Variants in USH2A observed in about 807,000 individuals in gnomAD.
The protein encoded by USH2A is Usher syndrome 2A (autosomal recessive, mild).
USH2A carries 443 observed loss-of-function variants against 538.9 expected under a neutral mutation model. The ratio of observed to expected loss-of-function variants is 0.82; its 90% CI spans 0.76 to 0.89. The LOEUF (loss-of-function observed/expected upper bound fraction) is 0.89. Ranked by LOEUF, USH2A falls within the 40% of genes least tolerant of loss-of-function variation. The pLI is 0.00. For missense variants in USH2A, 6,633 were observed against 6,324.8 expected (o/e 1.05, Z -1.65); for synonymous variants, 2,413 against 2,273.5 (o/e 1.06, Z -1.75).
intron 20 of USH2A, among the ~76,000 whole-genome samples, chr1:216,186,552 T>C (rs1426022907): frequency 6.6e-6 from 1 of 151,954 alleles, no homozygotes; most frequent in East Asian, 1.9e-4. Context: ...CTAAGGTGTT[T>C]TCTTTGGGCT....
intron 67 of USH2A, 54 bp downstream of exon 67, chr1:215,647,468 C>T: frequency 6.2e-7 from 1 of 1,609,006 alleles, no homozygotes; most frequent in South Asian, 1.1e-5. Context: ...GGGCAAGCTT[C>T]TCCTGACCAC....
At chr1:215,790,420 C>A in intron 50 of USH2A, 138 bp from the exon 51 acceptor site, 2 of 878,260 alleles carry the variant, frequency 2.3e-6, no homozygotes, top group African/African-American at 1.7e-5. Context: ...CATTTCCCTA[C>A]CAAGGTGATT....
At chr1:216,087,360 C>T (rs2032166596) in intron 23 of USH2A, among the ~76,000 whole-genome samples, 1 of 152,118 alleles carries the variant, frequency 6.6e-6, no homozygotes, top group African/African-American at 2.4e-5. Flanking sequence ...TGATATCTCC[C>T]CTTGGGTGTC....
intron 21 of USH2A, among the ~76,000 whole-genome samples, chr1:216,154,803 C>G (rs1176457821): frequency 6.6e-6 from 1 of 152,048 alleles, no homozygotes; most frequent in Non-Finnish European, 1.5e-5. Context: ...ATACATATAC[C>G]ACATTTTATT....
chr1:215,795,583 C>T (rs1206527630), intron 50 of USH2A, among the ~76,000 whole-genome samples: 1 of 152,182 alleles, frequency 6.6e-6, no homozygotes, highest in Non-Finnish European at 1.5e-5. Context: ...TGAACAAACA[C>T]ACTAAAATCA....
In USH2A at chr1:216,250,698, G is replaced by T. The variant is rs567591369; in HGVS notation, c.2167+205C>A. The stretch of plus-strand genomic sequence containing the variant: ...CTACAGAATAAAGAAACTTCTAAAG[G>T]GTTGATTAAACTAAGCTTCAAGCTG... On this transcript the variant is annotated intron_variant, in intron 12 of 71. Coordinates refer to ENST00000307340, the MANE Select transcript of USH2A (RefSeq NM_206933.4). 6.6e-5 allele frequency among the ~76,000 whole-genome samples: 10 copies of T among 152,148 alleles called. No homozygotes were observed. The South Asian group carries it at 2.1e-3, about 32-fold the overall frequency.
At chr1:216,028,416 A>G (rs1669019596) in intron 32 of USH2A, among the ~76,000 whole-genome samples, 1 of 152,014 alleles carries the variant, frequency 6.6e-6, no homozygotes, top group South Asian at 2.1e-4. Flanking sequence ...AAATAAATAA[A>G]TAAATAAAAA....
At chr1:216,062,813 G>A (rs2031228521) in intron 30 of USH2A, among the ~76,000 whole-genome samples, 1 of 152,118 alleles carries the variant, frequency 6.6e-6, no homozygotes, top group South Asian at 2.1e-4. Context: ...TTTCTCACCA[G>A]AAGTAATGAT....
intron 11 of USH2A, among the ~76,000 whole-genome samples, chr1:216,271,392 G>A (rs1315776885): frequency 6.6e-6 from 1 of 152,070 alleles, no homozygotes; most frequent in Non-Finnish European, 1.5e-5. Flanking sequence ...AGTGTGAGGA[G>A]GGGATTGTAT....
intron 22 of USH2A, among the ~76,000 whole-genome samples, chr1:216,096,036 A>AG (rs202094786): frequency 0.043 from 6,618 of 152,254 alleles, 478 homozygotes; most frequent in African/African-American, 0.15. Flanking sequence ...CATTTCTCTT[A>AG]CTCATCTCAC....
chr1:215,934,892 C>T, intron 37 of USH2A, 97 bp from the exon 38 acceptor site: 1 of 1,161,030 alleles, frequency 8.6e-7, no homozygotes, highest in Non-Finnish European at 1.2e-6. Flanking sequence ...TATACTGTAC[C>T]AAATAGGTCT....
At chr1:215,868,645 T>C (rs773387341) in intron 43 of USH2A, among the ~76,000 whole-genome samples, 8 of 152,192 alleles carry the variant, frequency 5.3e-5, no homozygotes, top group Non-Finnish European at 1.0e-4. Flanking sequence ...TTTTTGCAGA[T>C]GTAATCAAGT....
rs1390207832 is a variant in USH2A, at chr1:216,096,941, T to TTGA, written c.4758+139_4758+141dup. On this transcript the variant is annotated intron_variant, in intron 22 of 71. Coordinates refer to ENST00000307340, the MANE Select transcript of USH2A (RefSeq NM_206933.4). ...CATTACTTTTGTAAGTTTCATTTTC[T>TTGA]TGATTGGCAAAATGGGGATAATAAT... The TTGA allele has an allele frequency of 3.2e-6, 3 of 928,642 alleles. No homozygotes were observed. The African/African-American group carries it at 5.1e-5, about 16-fold the overall frequency. The allele number at this position is 928,642 out of a possible 1,614,324, so 57.5% of individuals were successfully genotyped here. A position where few individuals can be genotyped will look rare whatever the true frequency, so the allele number is the denominator to read the frequency against.
chr1:216,107,544 CTTG>C (rs1384174190), intron 21 of USH2A, among the ~76,000 whole-genome samples: 1 of 69,180 alleles, frequency 1.4e-5, no homozygotes, highest in East Asian at 5.8e-3. Context: ...CTTTGTAAGT[CTTG>C]CTTATTTAGC....
At chr1:215,684,490 C>A (rs1658343915) in intron 61 of USH2A, among the ~76,000 whole-genome samples, 1 of 152,168 alleles carries the variant, frequency 6.6e-6, no homozygotes, top group Non-Finnish European at 1.5e-5. Context: ...ATCTTTGAGT[C>A]TATTGATCTG....
intron 21 of USH2A, among the ~76,000 whole-genome samples, chr1:216,145,021 A>C (rs924146796): frequency 3.3e-5 from 5 of 152,028 alleles, no homozygotes; most frequent in Non-Finnish European, 7.4e-5. Flanking sequence ...GGGAGTGGAG[A>C]AGCTTTGAGG....
At chr1:215,773,484 GTCTCTCTGTCTCTCTCTCTCTC>G (rs1244199364) in intron 55 of USH2A, among the ~76,000 whole-genome samples, 3 of 112,224 alleles carry the variant, frequency 2.7e-5, no homozygotes, top group African/African-American at 1.3e-4. Flanking sequence ...ATGTCTCTCT[GTCTCTCTGTCTCTCTCTCTCTC>G]TCTCTGTCTC....
chr1:215,771,307 G>A (rs1224303195), intron 55 of USH2A, among the ~76,000 whole-genome samples: 1 of 151,742 alleles, frequency 6.6e-6, no homozygotes, highest in South Asian at 2.1e-4. Context: ...TCGGCCGGGC[G>A]CAGTGGCTCA....
At position 216,289,120 on chromosome 1, in the gene USH2A, A is replaced by G. The variant is rs557846954; in HGVS notation, c.1971+160T>C. Among the ~76,000 whole-genome samples the G allele has an allele frequency of 2.4e-4, 37 of 152,344 alleles. No individual in the cohort carries two copies. In the South Asian group the frequency reaches 7.2e-3, roughly 30 times the overall value. On this transcript the variant is annotated intron_variant, in intron 11 of 71. Transcript: ENST00000307340. ...CGAACTAGTGCTATATTTCATGTCC[A>G]TACTCAAAGTTGCACACGAACAACC...
Sources: gnomAD v4.1 joint callset for allele counts (sites outside exome capture counted in the v4.1 genomes callset) on GRCh38, gnomAD v4.1.1 for gene constraint, MANE v1.5 for transcripts, NCBI Gene and HGNC (gene_info 2026-07-23, HGNC 2026-07-21) for gene names.